Variants in RNF213 observed in about 807,000 individuals in gnomAD.
RNF213 encodes the protein E3 ubiquitin-protein ligase RNF213.
Under a neutral mutation model 514.4 loss-of-function variants are expected in RNF213, and 341 were observed. That is an observed-to-expected ratio of 0.66 (90% CI 0.61 to 0.73). The LOEUF (loss-of-function observed/expected upper bound fraction) is 0.73. Ranked by LOEUF, RNF213 falls within the 30% of genes least tolerant of loss-of-function variation. The pLI, the probability that RNF213 is intolerant of heterozygous loss-of-function variation, is 0.00. For missense variants in RNF213, 5,767 were observed against 6,615.6 expected, an observed-to-expected ratio of 0.87 and a Z score of 4.45; for synonymous variants, 2,655 against 2,658.2, an observed-to-expected ratio of 1.00 and a Z score of 0.04.
chr17:80,392,832 C>T (rs2080532616), intron 67 of RNF213, among the ~76,000 whole-genome samples: 2 of 151,978 alleles, frequency 1.3e-5, no homozygotes, highest in South Asian at 4.2e-4. Flanking sequence ...TCAAGTGATC[C>T]ACCTGCCTCA....
chr17:80,395,463 T>A lies in RNF213; in HGVS notation c.*1965T>A, dbSNP rs2080637427. ...TGCACACAGAAAACAGGCTCTGCCT[T>A]CACATGTGAGACGGTGGACTTTTCC... is the stretch of plus-strand genomic sequence containing the variant. On this transcript the variant is annotated 3_prime_UTR_variant, in exon 68 of 68. Coordinates refer to ENST00000582970, the MANE Select transcript of RNF213 (RefSeq NM_001256071.3). The A allele has an allele frequency of 6.6e-6, 1 of 152,222 alleles. No homozygotes were observed. The highest frequency in any genetic ancestry group is 2.1e-4 in the South Asian group (1 of 4,830). 9.4% of individuals were successfully genotyped at this position (152,222 alleles called of 1,614,324 possible). A position where few individuals can be genotyped will look rare whatever the true frequency, so the allele number is the denominator to read the frequency against.
intron 63 of RNF213, among the ~76,000 whole-genome samples, chr17:80,387,910 C>T (rs1020617762): frequency 2.0e-5 from 3 of 151,650 alleles, no homozygotes; most frequent in Non-Finnish European, 4.4e-5. Flanking sequence ...TACTTATGTA[C>T]GGTACCACCC....
intron 14 of RNF213, 45 bp downstream of exon 14, chr17:80,309,216 G>A (rs1194760478): frequency 6.8e-6 from 11 of 1,610,188 alleles, no homozygotes; most frequent in Admixed American, 3.3e-5. Flanking sequence ...GGATAGGTGC[G>A]GAATTTCAAG....
intron 7 of RNF213, 23 bp downstream of exon 7, chr17:80,290,751 G>A (rs771661256): frequency 6.2e-7 from 1 of 1,614,046 alleles, no homozygotes; most frequent in Non-Finnish European, 8.5e-7. Flanking sequence ...GTAGGCTTGG[G>A]AGGAATCCCT....
In RNF213 at chr17:80,361,671, G is replaced by A. The variant is rs1267197243; in HGVS notation, c.11201-63G>A. 3.1e-6 allele frequency: 5 copies of A among 1,595,340 alleles called. No individual in the cohort carries two copies. In the African/African-American group the frequency reaches 6.7e-5, roughly 21 times the overall value. On this transcript the variant is annotated intron_variant, in intron 38 of 67. Transcript: ENST00000582970. ...ATTCCCCTTCACTCCGGAGCCCCCTGGAGGCAGGGGAGCGCCATGACTTAG... is the reference window on the plus strand; with the variant it reads ...ATTCCCCTTCACTCCGGAGCCCCCTAGAGGCAGGGGAGCGCCATGACTTAG...
At chr17:80,269,760 ATCCG>A (rs79409057) in intron 2 of RNF213, among the ~76,000 whole-genome samples, 2,907 of 152,146 alleles carry the variant, frequency 0.019, 57 homozygotes, top group East Asian at 0.11. Flanking sequence ...TTATCTATCC[ATCCG>A]TCCATCCATC....
chr17:80,289,674 A>T lies in RNF213; in HGVS notation c.949A>T (p.Thr317Ser). ...CTTGTTCCAGGAAGCTGAGACCAAG[A>T]CCAAGGACGAGATGGCTGCTGCTGA... ...KTHCQEAETK[T>S]KDEMAAAEEK... is the part of the protein sequence containing the mutation. The change falls in exon 6 of 68, where the codon ACC (threonine) becomes TCC (serine). Residue 317 changes from threonine to serine, a missense_variant. By Grantham distance (58) the Thr-to-Ser change is moderately conservative. Transcript: ENST00000582970. 1 of 1,614,050 alleles carries T rather than the reference A, an allele frequency of 6.2e-7. No homozygotes were observed. Among genetic ancestry groups the T allele is most frequent in the Non-Finnish European group, 8.5e-7 (1 of 1,180,006 alleles).
intron 47 of RNF213, 114 bp downstream of exon 47, chr17:80,372,099 C>G: frequency 1.4e-6 from 1 of 732,888 alleles, no homozygotes; most frequent in South Asian, 1.6e-5. Flanking sequence ...CTGTTCCGTG[C>G]AGAAAAGAAG....
chr17:80,337,851 C>A lies in RNF213; in HGVS notation c.4687C>A (p.Leu1563Met). The A allele has an allele frequency of 6.5e-7, 1 of 1,537,290 alleles. No homozygotes were observed. Among genetic ancestry groups the A allele is most frequent in the Non-Finnish European group, 8.7e-7 (1 of 1,146,904 alleles). Residue 1563 changes from leucine to methionine, a missense_variant, in exon 25 of 68, where the codon CTG becomes ATG. Transcript: ENST00000582970. ...TTCACAGATTTCCCCAGACACGGTT[C>A]TGCACTTGATCCTTCCTGAGAGCCC... is the stretch of plus-strand genomic sequence containing the variant. ...GGQKISPDTVLHLILPESPGS... is the reference protein window; with the variant it reads ...GGQKISPDTVMHLILPESPGS...
At chr17:80,299,662 A>G (rs963253772) in intron 11 of RNF213, among the ~76,000 whole-genome samples, 3 of 152,038 alleles carry the variant, frequency 2.0e-5, no homozygotes, top group South Asian at 4.2e-4. Flanking sequence ...TCATCATCCA[A>G]ATATTAAGCC....
In RNF213 at chr17:80,389,245, C is replaced by T. The variant is rs1293162032; in HGVS notation, c.15073C>T (p.Leu5025=). The change falls in exon 65 of 68, where the codon CTG becomes TTG. Residue 5025 remains leucine, a synonymous_variant. Coordinates refer to ENST00000582970, the MANE Select transcript of RNF213 (RefSeq NM_001256071.3). ...LQSYSDACEV[L]SVVEVTLGFL... ...GTCCTACAGCGATGCCTGTGAAGTG[C>T]TGTCTGTCGTAGAAGTCACTCTGGG... The T allele has an allele frequency of 7.4e-6, 12 of 1,614,206 alleles. No individual in the cohort carries two copies. Among genetic ancestry groups the T allele is most frequent in the African/African-American group, 1.3e-5 (1 of 75,066 alleles).
At chr17:80,344,599 T>C in intron 28 of RNF213, 79 bp from the exon 29 acceptor site, 1 of 1,495,418 alleles carries the variant, frequency 6.7e-7, no homozygotes, top group African/African-American at 1.4e-5. Context: ...CCAATATAGA[T>C]AACGTGGAGG....
At chr17:80,285,533 C>T (rs961322052) in intron 3 of RNF213, among the ~76,000 whole-genome samples, 21 of 152,222 alleles carry the variant, frequency 1.4e-4, no homozygotes, top group Admixed American at 3.9e-4. Flanking sequence ...TGTTTCTTGA[C>T]GGCCTCTTGC....
At chr17:80,328,137 G>A (rs2046326495) in intron 19 of RNF213, 148 bp downstream of exon 19, 2 of 1,164,350 alleles carry the variant, frequency 1.7e-6, no homozygotes, top group Admixed American at 2.6e-5. Flanking sequence ...GTTGATAGGG[G>A]TGGTTTATAA....
chr17:80,346,011 T>C lies in RNF213; in HGVS notation c.7676T>C (p.Ile2559Thr). 6.2e-7 allele frequency: 1 copy of C among 1,614,186 alleles called. No homozygotes were observed. Among genetic ancestry groups the C allele is most frequent in the Non-Finnish European group, 8.5e-7 (1 of 1,180,030 alleles). ...GAGACGGCCGACAGGCTGGGCTCCATTCCTCTGAGGCAGCTGGTATACCGG... is the reference window on the plus strand; with the variant it reads ...GAGACGGCCGACAGGCTGGGCTCCACTCCTCTGAGGCAGCTGGTATACCGG... ...MEETADRLGS[I>T]PLRQLVYRVH... Residue 2559 changes from isoleucine to threonine, a missense_variant, in exon 29 of 68, where the codon ATT becomes ACT. By Grantham distance (89) the Ile-to-Thr change is moderately conservative (BLOSUM62 -1). Coordinates refer to ENST00000582970, the MANE Select transcript of RNF213 (RefSeq NM_001256071.3). The surrounding 1 kb of genome is among the most constrained non-coding windows in gnomAD (Gnocchi z 8.1).
chr17:80,332,541 G>T lies in RNF213; in HGVS notation c.4053G>T (p.Gln1351His). ...TCAAGGAATACCATCACCTGCACCA[G>T]GCTGTCCACGCAGCCAAGGTCATCT... ...EQIKEYHHLHQAVHAAKVILQ... is the reference protein window; with the variant it reads ...EQIKEYHHLHHAVHAAKVILQ... Residue 1351 changes from glutamine (Q) to histidine (H), a missense_variant, in exon 21 of 68, where the codon CAG becomes CAT. Physicochemically the swap from Gln to His is conservative, Grantham distance 24. This residue lies in a region of RNF213 where 516 missense variants were observed against 566.5 expected (regional missense o/e 0.91). Transcript: ENST00000582970. The T allele has an allele frequency of 6.5e-7, 1 of 1,536,530 alleles. No individual in the cohort carries two copies. Among genetic ancestry groups the T allele is most frequent in the Non-Finnish European group, 8.7e-7 (1 of 1,146,276 alleles).
chr17:80,337,496 G>A (rs1271051613), intron 23 of RNF213, 90 bp from the exon 24 acceptor site: 9 of 1,482,068 alleles, frequency 6.1e-6, no homozygotes, highest in Admixed American at 4.1e-5. Context: ...GCTCTGCAGC[G>A]AGGCAGAGGC....
chr17:80,315,341 A>G (rs866544027), intron 15 of RNF213, among the ~76,000 whole-genome samples: 8 of 78,102 alleles, frequency 1.0e-4, no homozygotes, highest in African/African-American at 3.2e-4. Flanking sequence ...TGGAGGTACT[A>G]GAGGTGATGG....
In RNF213 at chr17:80,273,353, G is replaced by T; in HGVS notation, c.210G>T (p.Trp70Cys). The change falls in exon 3 of 68, where the codon TGG (tryptophan) becomes TGT (cysteine). Residue 70 changes from tryptophan (W) to cysteine (C), a missense_variant. This residue lies in a region of RNF213 where 509 missense variants were observed against 496.7 expected (regional missense o/e 1.02). Coordinates refer to ENST00000582970, the MANE Select transcript of RNF213 (RefSeq NM_001256071.3). ...GCTTGTTCCCGGGCTCAGACAGTTG[G>T]CAAGAAAACCCCGAGGAGCCCTGTT... ...GPCLFPGSDSWQENPEEPCSK... is the reference protein window; with the variant it reads ...GPCLFPGSDSCQENPEEPCSK... 1 of 1,613,380 alleles carries T rather than the reference G, an allele frequency of 6.2e-7. No individual in the cohort carries two copies. The highest frequency in any genetic ancestry group is 8.5e-7 in the Non-Finnish European group (1 of 1,179,980).
Sources: gnomAD v4.1 joint callset for allele counts (sites outside exome capture counted in the v4.1 genomes callset) on GRCh38, gnomAD v4.1.1 for gene constraint, gnomAD v4.1.1 regional missense constraint, Gnocchi (gnomAD v3.1) non-coding constraint, MANE v1.5 for transcripts, NCBI Gene and HGNC (gene_info 2026-07-23, HGNC 2026-07-21) for gene names.